Variants in SYS1 observed in about 807,000 individuals in gnomAD.
The protein encoded by SYS1 is protein SYS1 homolog.
In SYS1, 8 loss-of-function variants were observed where a neutral mutation model predicts 17.8. The ratio of observed to expected loss-of-function variants is 0.45; its 90% confidence interval spans 0.26 to 0.81. The LOEUF (loss-of-function observed/expected upper bound fraction) is 0.81, where lower values mean the gene tolerates loss of function less well. SYS1 is among the 40% of genes least tolerant of loss of function. SYS1 has a pLI of 0.16. For synonymous variants in SYS1, 95 were observed against 90.9 expected, an observed-to-expected ratio of 1.05 and a Z score of -0.26; for missense variants, 161 against 203.9, an observed-to-expected ratio of 0.79 and a Z score of 1.28.
chr20:45,363,705 G>C lies in SYS1; in HGVS notation c.162+12G>C. ...TGTTCGACGCCGAGGTAGGGTCCCC[G>C]GACTGGGGCGGGTGGGGTCTCGGCC... is the stretch of plus-strand genomic sequence containing the variant. On this transcript the variant is annotated intron_variant, in intron 2 of 3. Transcript: ENST00000243918. 1 of 1,553,482 alleles carries C rather than the reference G, an allele frequency of 6.4e-7. No individual in the cohort carries two copies. Among genetic ancestry groups the C allele is most frequent in the Non-Finnish European group, 8.7e-7 (1 of 1,151,858 alleles).
At chr20:45,363,077 G>A, upstream of SYS1, 1 of 989,702 alleles carries the variant, frequency 1.0e-6, no homozygotes, top group South Asian at 4.4e-5. Context: ...CCTGGTTCAG[G>A]AGGTTCAGGC....
exon 4 of SYS1, chr20:45,375,549 T>G: frequency 6.2e-7 from 1 of 1,604,646 alleles, no homozygotes; most frequent in Non-Finnish European, 8.5e-7. Flanking sequence ...AGGCACTGTT[T>G]TCCCTGGCAG....
chr20:45,364,628 C>A (rs1053345650), intron 2 of SYS1, among the ~76,000 whole-genome samples: 5 of 151,888 alleles, frequency 3.3e-5, no homozygotes, highest in South Asian at 4.2e-4. Context: ...CCCGCCACTA[C>A]GCCCGGCTAA....
chr20:45,368,926 C>T lies in SYS1; in HGVS notation c.*1811C>T. On this transcript the variant is annotated 3_prime_UTR_variant, in exon 4 of 4. Transcript: ENST00000243918. ...TTGGGATTCACTTCAAGGTCTTGTG[C>T]CTATTTTTCTGCATATCTTCTGTGA... 1.0e-6 allele frequency: 1 copy of T among 955,100 alleles called. No homozygotes were observed. Among genetic ancestry groups the T allele is most frequent in the South Asian group, 4.8e-5 (1 of 20,706 alleles). 59.2% of individuals were successfully genotyped at this position (955,100 alleles called of 1,614,324 possible). A position where few individuals can be genotyped will look rare whatever the true frequency, so the allele number is the denominator to read the frequency against.
intron 2 of SYS1, 34 bp from the exon 3 acceptor site, chr20:45,365,585 C>T (rs1988383989): frequency 1.2e-6 from 2 of 1,609,422 alleles, no homozygotes; most frequent in Non-Finnish European, 8.5e-7. Flanking sequence ...CAAGTCACTT[C>T]TCCAGTATAT....
At chr20:45,362,046 C>T, upstream of SYS1, 1 of 984,562 alleles carries the variant, frequency 1.0e-6, no homozygotes, top group Non-Finnish European at 1.2e-6. Flanking sequence ...TATCGATTTG[C>T]TCTTGCTTTT....
chr20:45,373,950 A>G (rs1183242348), downstream of SYS1: 3 of 1,613,290 alleles, frequency 1.9e-6, no homozygotes, highest in South Asian at 2.2e-5. Flanking sequence ...CCTCCCCTTC[A>G]GCTGATGGCG....
chr20:45,374,268 C>CT (rs1293757939), intron 3 of SYS1: 1 of 697,680 alleles, frequency 1.4e-6, no homozygotes, highest in South Asian at 1.5e-5. Flanking sequence ...CAGAGTAAAT[C>CT]TTTTTTTCCT....
chr20:45,364,321 C>T (rs766600319), intron 2 of SYS1, among the ~76,000 whole-genome samples: 1 of 151,958 alleles, frequency 6.6e-6, no homozygotes, highest in Non-Finnish European at 1.5e-5. Flanking sequence ...AAAAGTGGGC[C>T]GGATGCTCCT....
chr20:45,374,669 G>A (rs1305544018), exon 4 of SYS1: 4 of 427,094 alleles, frequency 9.4e-6, no homozygotes, highest in African/African-American at 8.0e-5. Flanking sequence ...AGCCCTACTT[G>A]ACCATCTCCC....
downstream of SYS1, among the ~76,000 whole-genome samples, chr20:45,372,234 C>T (rs1438964718): frequency 6.6e-6 from 1 of 152,244 alleles, no homozygotes; most frequent in Non-Finnish European, 1.5e-5. Flanking sequence ...GAAGGATGTA[C>T]TGCTGGGATT....
At chr20:45,363,998 G>T (rs1421041775) in intron 2 of SYS1, among the ~76,000 whole-genome samples, 1 of 152,180 alleles carries the variant, frequency 6.6e-6, no homozygotes, top group Non-Finnish European at 1.5e-5. Context: ...TAGGTTCTCA[G>T]GTGCCACATC....
chr20:45,362,375 ATTTATTT>A (rs1413425395), upstream of SYS1, among the ~76,000 whole-genome samples: 1 of 151,662 alleles, frequency 6.6e-6, no homozygotes, highest in Non-Finnish European at 1.5e-5. Flanking sequence ...TTATTTATTT[ATTTATTT>A]AGAGACGGAG....
intron 3 of SYS1, among the ~76,000 whole-genome samples, chr20:45,366,213 A>C (rs1169995914): frequency 8.5e-5 from 13 of 152,196 alleles, no homozygotes; most frequent in South Asian, 6.2e-4. Flanking sequence ...TGGACAAGTT[A>C]ATCTACCACA....
intron 2 of SYS1, among the ~76,000 whole-genome samples, chr20:45,364,465 C>T (rs201201096): frequency 9.0e-4 from 72 of 80,106 alleles, no homozygotes; most frequent in Admixed American, 1.6e-3. Flanking sequence ...GAGCACAGTT[C>T]TTTTTTTTTT....
chr20:45,375,034 C>G (rs776301003), exon 4 of SYS1: 1 of 1,609,310 alleles, frequency 6.2e-7, no homozygotes, highest in African/African-American at 1.3e-5. Context: ...TGTTGTCACA[C>G]CCACCTTGTA....
upstream of SYS1, chr20:45,361,989 C>T (rs1282531676): frequency 4.1e-6 from 4 of 985,150 alleles, no homozygotes; most frequent in Non-Finnish European, 4.8e-6. Flanking sequence ...AACCTAGGAT[C>T]AATGAAGTTG....
At chr20:45,365,300 A>G (rs746864926) in intron 2 of SYS1, 5 of 426,014 alleles carry the variant, frequency 1.2e-5, no homozygotes, top group Non-Finnish European at 1.8e-5. Flanking sequence ...TGCCAGGCCT[A>G]TGGAGCCATA....
chr20:45,363,805 TG>T (rs774251620), intron 2 of SYS1, 112 bp downstream of exon 2: 952 of 1,197,212 alleles, frequency 8.0e-4, no homozygotes, highest in Non-Finnish European at 1.0e-3. Context: ...TTTGTAGCCC[TG>T]GGAAAGGGAT....
Sources: gnomAD v4.1 joint callset for allele counts (sites outside exome capture counted in the v4.1 genomes callset) on GRCh38, gnomAD v4.1.1 for gene constraint, MANE v1.5 for transcripts, NCBI Gene and HGNC (gene_info 2026-07-23, HGNC 2026-07-21) for gene names.